AKT3: variants seen among roughly 807,000 people sequenced by gnomAD.
The protein encoded by AKT3 is AKT serine/threonine kinase 3.
Under a neutral mutation model 65.3 loss-of-function variants are expected in AKT3, and 15 were observed. The observed-to-expected ratio is 0.23, with a 90% CI of 0.15 to 0.35. The LOEUF is 0.35. Among genes scored for constraint, AKT3 ranks in the 10% least tolerant of loss-of-function variants. The pLI is 1.00. For missense variants in AKT3, 243 were observed against 576.5 expected, an observed-to-expected ratio of 0.42 and a Z score of 5.92; for synonymous variants, 206 against 183.8, an observed-to-expected ratio of 1.12 and a Z score of -0.98.
At chr1:243,649,326 T>C (rs1255200784) in intron 4 of AKT3, among the ~76,000 whole-genome samples, 3 of 146,626 alleles carry the variant, frequency 2.0e-5, no homozygotes, top group Non-Finnish European at 4.5e-5. Flanking sequence ...TGTGTGTGTG[T>C]GTGTGTGTGT....
At chr1:243,759,252 C>T (rs1327617678) in intron 2 of AKT3, among the ~76,000 whole-genome samples, 1 of 152,018 alleles carries the variant, frequency 6.6e-6, no homozygotes, top group African/African-American at 2.4e-5. Context: ...GAGGTCGAGG[C>T]TGCAGTGAGC....
intron 2 of AKT3, among the ~76,000 whole-genome samples, chr1:243,807,532 C>A (rs553141642): frequency 6.6e-6 from 1 of 152,148 alleles, no homozygotes; most frequent in Non-Finnish European, 1.5e-5. Flanking sequence ...ACAAAGCAGC[C>A]GGGAAGCTCG....
intron 2 of AKT3, among the ~76,000 whole-genome samples, chr1:243,768,162 T>C (rs1197650588): frequency 6.6e-6 from 1 of 150,402 alleles, no homozygotes; most frequent in Non-Finnish European, 1.5e-5. Flanking sequence ...CATACATATA[T>C]ATAATATATA....
chr1:243,834,923 T>C (rs1694794847), intron 2 of AKT3, among the ~76,000 whole-genome samples: 2 of 152,264 alleles, frequency 1.3e-5, no homozygotes, highest in South Asian at 4.1e-4. Context: ...ACAGAGTTTA[T>C]AACATGGTGA....
At chr1:243,823,126 T>C (rs1443035568) in intron 2 of AKT3, among the ~76,000 whole-genome samples, 1 of 152,186 alleles carries the variant, frequency 6.6e-6, no homozygotes, top group African/African-American at 2.4e-5. Context: ...TGGTTCAACA[T>C]ATGCAAATTA....
chr1:243,804,364 T>C (rs1194530382), intron 2 of AKT3, among the ~76,000 whole-genome samples: 2 of 152,248 alleles, frequency 1.3e-5, no homozygotes, highest in Admixed American at 1.3e-4. Context: ...TTAGTGTTCC[T>C]AAATAAGGTT....
At chr1:243,515,342 C>T (rs1670283481) in intron 12 of AKT3, among the ~76,000 whole-genome samples, 1 of 150,922 alleles carries the variant, frequency 6.6e-6, no homozygotes, top group South Asian at 2.1e-4. Context: ...GGTAGGTATA[C>T]ATTTGACTTT....
At chr1:243,615,055 T>C (rs1171289948) in intron 7 of AKT3, 41 bp downstream of exon 7, 1 of 1,375,644 alleles carries the variant, frequency 7.3e-7, no homozygotes, top group Non-Finnish European at 1.0e-6. Flanking sequence ...TCCTTAAATT[T>C]CAAATGTTAC....
At chr1:243,774,060 A>G (rs1241887372) in intron 2 of AKT3, among the ~76,000 whole-genome samples, 1 of 152,204 alleles carries the variant, frequency 6.6e-6, no homozygotes, top group Non-Finnish European at 1.5e-5. Flanking sequence ...AGAGCAAGAA[A>G]AAAAAGGTCA....
At chr1:243,687,743 T>A (rs1558720728) in intron 3 of AKT3, 1 of 152,168 alleles carries the variant, frequency 6.6e-6, no homozygotes. Flanking sequence ...AGGAAATATG[T>A]GACATTGTTA....
At chr1:243,553,267 C>A (rs1326654635) in intron 10 of AKT3, among the ~76,000 whole-genome samples, 1 of 152,006 alleles carries the variant, frequency 6.6e-6, no homozygotes, top group Non-Finnish European at 1.5e-5. Flanking sequence ...TTTCTTAGGC[C>A]TACTGACTTT....
intron 2 of AKT3, among the ~76,000 whole-genome samples, chr1:243,809,136 T>A (rs1019332689): frequency 6.6e-6 from 1 of 152,102 alleles, no homozygotes; most frequent in Non-Finnish European, 1.5e-5. Flanking sequence ...ACGAGCAAAA[T>A]AACCAGCTAA....
chr1:243,615,078 T>C lies in AKT3; in HGVS notation c.627+18A>G, dbSNP rs1678195289. 6.5e-7 allele frequency: 1 copy of C among 1,530,638 alleles called. No homozygotes were observed. The highest frequency in any genetic ancestry group is 1.2e-5 in the South Asian group (1 of 85,744). 94.8% of individuals were successfully genotyped at this position (1,530,638 alleles called of 1,614,324 possible). On this transcript the variant is annotated intron_variant, in intron 7 of 13. Coordinates refer to ENST00000673466, the MANE Select transcript of AKT3 (RefSeq NM_005465.7). The stretch of plus-strand genomic sequence containing the variant: ...TTTCAAATGTTACGATTATAACATC[T>C]GTCCTCTAGTCACTTACTGTTAAAA...
intron 2 of AKT3, among the ~76,000 whole-genome samples, chr1:243,710,219 T>C (rs1686060082): frequency 1.3e-5 from 2 of 152,218 alleles, no homozygotes; most frequent in Admixed American, 1.3e-4. Flanking sequence ...CATTTATTTG[T>C]GAAAATGTCC....
chr1:243,674,753 G>A (rs1468496920), intron 3 of AKT3, among the ~76,000 whole-genome samples: 6 of 152,224 alleles, frequency 3.9e-5, no homozygotes. Context: ...TAGGCAACAA[G>A]TGGGAAATCT....
At position 243,627,892 on chromosome 1, in the gene AKT3, A is replaced by G. The variant is rs116784743; in HGVS notation, c.561+9719T>C. The stretch of plus-strand genomic sequence containing the variant: ...AAACTACCTGAAAGGACACATATGA[A>G]TGGAAACCTAAACAACAGCAGGCTA... On this transcript the variant is annotated intron_variant, in intron 6 of 13. Transcript: ENST00000673466. Among the ~76,000 whole-genome samples, 1,144 of 152,316 alleles carry G rather than the reference A, an allele frequency of 7.5e-3. 16 individuals carry two copies. The highest frequency in any genetic ancestry group is 0.026 in the African/African-American group (1,081 of 41,562).
intron 11 of AKT3, among the ~76,000 whole-genome samples, chr1:243,551,372 A>G (rs1368657466): frequency 5.3e-5 from 8 of 152,236 alleles, no homozygotes; most frequent in Non-Finnish European, 1.2e-4. Flanking sequence ...ATCTGCAGCT[A>G]GGATTACAAA....
At chr1:243,767,548 A>G (rs1361790631) in intron 2 of AKT3, among the ~76,000 whole-genome samples, 1 of 152,194 alleles carries the variant, frequency 6.6e-6, no homozygotes, top group African/African-American at 2.4e-5. Flanking sequence ...CCACTAATAG[A>G]TAACTTTTTA....
intron 5 of AKT3, among the ~76,000 whole-genome samples, chr1:243,642,793 G>A (rs1348156726): frequency 6.6e-6 from 1 of 152,154 alleles, no homozygotes; most frequent in Non-Finnish European, 1.5e-5. Context: ...CTTAATAAAT[G>A]TGTTCAAATC....
Sources: allele counts gnomAD v4.1 joint callset (sites outside exome capture counted in the v4.1 genomes callset), GRCh38; gene constraint gnomAD v4.1.1; transcripts MANE v1.5; gene names NCBI Gene and HGNC (gene_info 2026-07-23, HGNC 2026-07-21).